Variants in CCDC122 observed in about 807,000 individuals in gnomAD.
The protein encoded by CCDC122 is coiled-coil domain containing 122.
A neutral mutation model predicts 37.0 loss-of-function variants in CCDC122; 38 were observed. That is an observed-to-expected ratio of 1.03 (90% CI 0.79 to 1.35). CCDC122 has a LOEUF of 1.35. Ranked by LOEUF, CCDC122 falls within the 40% of genes most tolerant of loss-of-function variation. The pLI, the probability that CCDC122 is intolerant of heterozygous loss-of-function variation, is 0.00. For missense variants in CCDC122, 305 were observed against 310.0 expected (o/e 0.98, Z 0.12); for synonymous variants, 83 against 95.6 (o/e 0.87, Z 0.77).
chr13:43,878,262 C>T (rs1249208700), intron 1 of CCDC122: 2 of 152,076 alleles, frequency 1.3e-5, no homozygotes, highest in Non-Finnish European at 2.9e-5. Context: ...TGGCAAAAAC[C>T]GCAATTACCT....
chr13:43,871,402 C>T (rs7334812), intron 2 of CCDC122, among the ~76,000 whole-genome samples: 76,848 of 151,598 alleles, frequency 0.51, 19,918 homozygotes, highest in African/African-American at 0.6. Flanking sequence ...ACTTTCCTGG[C>T]GAGTCCCCAT....
intron 1 of CCDC122, among the ~76,000 whole-genome samples, chr13:43,878,521 G>A (rs1954735599): frequency 6.6e-6 from 1 of 152,126 alleles, no homozygotes; most frequent in Admixed American, 6.5e-5. Flanking sequence ...CTGAGATTAT[G>A]AGACAAAGGT....
At chr13:43,830,276 C>T (rs1172016691) in intron 3 of CCDC122, among the ~76,000 whole-genome samples, 1 of 152,052 alleles carries the variant, frequency 6.6e-6, no homozygotes, top group Admixed American at 6.6e-5. Flanking sequence ...GAAGTGGAAC[C>T]GATCTTGGGT....
chr13:43,860,825 G>A (rs1190189605), intron 4 of CCDC122, among the ~76,000 whole-genome samples: 1 of 151,454 alleles, frequency 6.6e-6, no homozygotes, highest in African/African-American at 2.4e-5. Context: ...ATAAGTGGCT[G>A]CTGAGTTCTA....
At chr13:43,864,807 A>G (rs966400418) in intron 4 of CCDC122, among the ~76,000 whole-genome samples, 1 of 152,070 alleles carries the variant, frequency 6.6e-6, no homozygotes, top group East Asian at 1.9e-4. Flanking sequence ...GAATGAATTA[A>G]TTCTTGGTGG....
At chr13:43,819,409 A>G (rs1253468290), downstream of CCDC122, among the ~76,000 whole-genome samples, 2 of 152,246 alleles carry the variant, frequency 1.3e-5, no homozygotes, top group African/African-American at 4.8e-5. Flanking sequence ...TTGCAGTACT[A>G]TTTGTAACAA....
intron 3 of CCDC122, chr13:43,824,089 C>T (rs923677638): frequency 6.6e-6 from 1 of 152,076 alleles, no homozygotes; most frequent in African/African-American, 2.4e-5. Context: ...TTCATGCCAA[C>T]GGAATCTCTC....
intron 6 of CCDC122, among the ~76,000 whole-genome samples, chr13:43,852,133 C>T (rs6561148): frequency 0.36 from 54,131 of 151,646 alleles, 9,843 homozygotes; most frequent in East Asian, 0.45. Flanking sequence ...CTGAACTGGG[C>T]TGAAATGGCT....
chr13:43,878,387 A>AT (rs1954726396), intron 1 of CCDC122, among the ~76,000 whole-genome samples: 1 of 152,158 alleles, frequency 6.6e-6, no homozygotes, highest in African/African-American at 2.4e-5. Flanking sequence ...GAAAACATGA[A>AT]TTTTGACATA....
chr13:43,830,974 G>A (rs1045698662), intron 3 of CCDC122, among the ~76,000 whole-genome samples: 16 of 152,264 alleles, frequency 1.1e-4, no homozygotes, highest in African/African-American at 3.1e-4. Context: ...AAATTACAGT[G>A]ACAGATTAAT....
chr13:43,819,132 A>G (rs577752459), downstream of CCDC122, among the ~76,000 whole-genome samples: 12 of 152,336 alleles, frequency 7.9e-5, no homozygotes, highest in African/African-American at 2.9e-4. Flanking sequence ...ATATATTTGT[A>G]TAATAGTTCT....
At chr13:43,851,384 A>G (rs1022675947) in intron 6 of CCDC122, among the ~76,000 whole-genome samples, 1 of 152,208 alleles carries the variant, frequency 6.6e-6, no homozygotes, top group Non-Finnish European at 1.5e-5. Context: ...ATATATGACT[A>G]TATAAGAAGT....
intron 3 of CCDC122, 62 bp from the exon 4 acceptor site, chr13:43,868,865 G>C: frequency 1.4e-6 from 1 of 699,268 alleles, no homozygotes; most frequent in Non-Finnish European, 2.1e-6. Flanking sequence ...TTTTAAGAAA[G>C]TTATGTTTCT....
chr13:43,852,753 C>T (rs1424301409), intron 6 of CCDC122, among the ~76,000 whole-genome samples: 1 of 151,704 alleles, frequency 6.6e-6, no homozygotes, highest in African/African-American at 2.4e-5. Context: ...GTCAGATCAC[C>T]TACAAAGGGA....
intron 1 of CCDC122, among the ~76,000 whole-genome samples, chr13:43,875,981 C>A: frequency 6.6e-6 from 1 of 152,226 alleles, no homozygotes; most frequent in Non-Finnish European, 1.5e-5. Context: ...TAGAGGGCTA[C>A]TTGAGACTCA....
At chr13:43,846,848 C>G (rs1953553961) in intron 6 of CCDC122, among the ~76,000 whole-genome samples, 1 of 150,918 alleles carries the variant, frequency 6.6e-6, no homozygotes, top group African/African-American at 2.4e-5. Context: ...TTTACTCAAC[C>G]AACCTCATGA....
In CCDC122 at chr13:43,848,392, G is replaced by A. The variant is rs185071814; in HGVS notation, c.672+10389C>T. On this transcript the variant is annotated intron_variant, in intron 6 of 6. Transcript: ENST00000444614. The stretch of plus-strand genomic sequence containing the variant: ...TCAACTGCTCCAGTGTCCTTTGTCT[G>A]AAAACTCTTGGATTTGGAAATAACA... Among the ~76,000 whole-genome samples the A allele has an allele frequency of 1.1e-3, 164 of 151,960 alleles. 1 individual carries two copies. In the East Asian group the frequency reaches 0.028, roughly 26 times the overall value.
intron 6 of CCDC122, among the ~76,000 whole-genome samples, chr13:43,851,615 C>A (rs556998446): frequency 6.6e-6 from 1 of 152,190 alleles, no homozygotes. Context: ...GATGAGTGTG[C>A]ACCCCACTGC....
chr13:43,820,201 A>T (rs1182007778), downstream of CCDC122, among the ~76,000 whole-genome samples: 1 of 152,352 alleles, frequency 6.6e-6, no homozygotes, highest in Non-Finnish European at 1.5e-5. Flanking sequence ...TGATTTACTT[A>T]TAAGTCCAAA....
Sources: gnomAD v4.1 joint callset for allele counts (sites outside exome capture counted in the v4.1 genomes callset) on GRCh38, gnomAD v4.1.1 for gene constraint, MANE v1.5 for transcripts, NCBI Gene and HGNC (gene_info 2026-07-23, HGNC 2026-07-21) for gene names.